The following ANKRD12 variants were observed in gnomAD, a reference collection of about 807,000 sequenced individuals.
ANKRD12 encodes the protein ankyrin repeat domain 12.
ANKRD12 carries 85 observed loss-of-function variants against 183.4 expected under a neutral mutation model. The ratio of observed to expected loss-of-function variants is 0.46; its 90% CI spans 0.39 to 0.56. The LOEUF is 0.56. Ranked by LOEUF, ANKRD12 falls within the 20% of genes least tolerant of loss-of-function variation. The probability of loss-of-function intolerance (pLI) is 0.00; values close to 1 mark genes in which losing one functional copy is unlikely to be tolerated. For synonymous variants in ANKRD12, 914 were observed against 800.2 expected (o/e 1.14, Z -2.40); for missense variants, 2,405 against 2,357.1 (o/e 1.02, Z -0.42).
chr18:9,144,858 A>G (rs150891970), intron 1 of ANKRD12, among the ~76,000 whole-genome samples: 126 of 152,050 alleles, frequency 8.3e-4, no homozygotes, highest in African/African-American at 2.8e-3. Context: ...TTTGCATATC[A>G]TATTAATTAT....
intron 8 of ANKRD12, among the ~76,000 whole-genome samples, chr18:9,252,968 A>G (rs1303401454): frequency 6.6e-6 from 1 of 152,202 alleles, no homozygotes. Flanking sequence ...ACATTTTAGT[A>G]GCTAATGTTT....
Position 9,256,379 on chromosome 18 carries a change from C to A in ANKRD12, c.3112C>A (p.Gln1038Lys). 1 of 1,603,802 alleles carries A rather than the reference C, an allele frequency of 6.2e-7. No individual in the cohort carries two copies. The highest frequency in any genetic ancestry group is 8.5e-7 in the Non-Finnish European group (1 of 1,176,640). Residue 1038 changes from glutamine (Q) to lysine (K), a missense_variant, in exon 9 of 13, where the codon CAA (glutamine) becomes AAA (lysine). By Grantham distance (53) the Gln-to-Lys change is moderately conservative. This residue lies in a region of ANKRD12 where 1,983 missense variants were observed against 1,725.9 expected (regional missense o/e 1.15). Coordinates refer to ENST00000262126, the MANE Select transcript of ANKRD12 (RefSeq NM_015208.5). ...ACGAGACAAACATAAAGATAAAATTCAAATAAATAGCTTACTCAAACTAAA... is the reference window on the plus strand; with the variant it reads ...ACGAGACAAACATAAAGATAAAATTAAAATAAATAGCTTACTCAAACTAAA... ...KERDKHKDKI[Q>K]INSLLKLKSE...
chr18:9,146,741 C>T (rs2078505867), intron 1 of ANKRD12, among the ~76,000 whole-genome samples: 1 of 152,150 alleles, frequency 6.6e-6, no homozygotes, highest in South Asian at 2.1e-4. Flanking sequence ...GTCAGAAGAG[C>T]TACCAGTGAC....
At chr18:9,239,857 A>T (rs1016730367) in intron 8 of ANKRD12, among the ~76,000 whole-genome samples, 2 of 152,200 alleles carry the variant, frequency 1.3e-5, no homozygotes, top group Non-Finnish European at 2.9e-5. Context: ...TGGAGTAACT[A>T]AGAGGGTATC....
chr18:9,259,890 T>C (rs1046566684), intron 9 of ANKRD12: 1 of 152,148 alleles, frequency 6.6e-6, no homozygotes, highest in Admixed American at 6.5e-5. Context: ...CAGGTTGAAA[T>C]AGTATATGCT....
chr18:9,197,879 A>C (rs1258338686), intron 3 of ANKRD12, among the ~76,000 whole-genome samples: 1 of 152,170 alleles, frequency 6.6e-6, no homozygotes, highest in Admixed American at 6.5e-5. Context: ...TTCAAGGTCA[A>C]TTGTATTTAT....
chr18:9,282,465 A>G lies in ANKRD12; in HGVS notation c.*1339A>G, dbSNP rs951232290. 3.3e-5 allele frequency: 5 copies of G among 152,706 alleles called. No individual in the cohort carries two copies. The highest frequency in any genetic ancestry group is 4.1e-4 in the South Asian group (2 of 4,828). The allele number at this position is 152,706 out of a possible 1,614,324, so 9.5% of individuals were successfully genotyped here. ...CTGTTTTATAATAAATTAGCAATAT[A>G]CTTTAAAAAAAATCCAGTTTCTCCT... On this transcript the variant is annotated 3_prime_UTR_variant, in exon 13 of 13. Coordinates refer to ENST00000262126, the MANE Select transcript of ANKRD12 (RefSeq NM_015208.5).
chr18:9,197,076 C>CA (rs1410914025), intron 3 of ANKRD12, among the ~76,000 whole-genome samples: 1 of 151,910 alleles, frequency 6.6e-6, no homozygotes, highest in Non-Finnish European at 1.5e-5. Context: ...TTGATAAATT[C>CA]AAAAAATATT....
intron 1 of ANKRD12, among the ~76,000 whole-genome samples, chr18:9,171,818 G>A (rs954498858): frequency 3.9e-5 from 6 of 152,066 alleles, no homozygotes; most frequent in African/African-American, 1.4e-4. Context: ...TCAGGAGTTC[G>A]AGACCAGCCT....
rs2038645433 is a variant in ANKRD12 at position 9,256,656 on chromosome 18, C to T, written c.3389C>T (p.Pro1130Leu). 1 of 1,607,240 alleles carries T rather than the reference C, an allele frequency of 6.2e-7. No individual in the cohort carries two copies. The highest frequency in any genetic ancestry group is 1.3e-5 in the African/African-American group (1 of 74,216). The change falls in exon 9 of 13, where the codon CCA (proline) becomes CTA (leucine). Residue 1130 changes from proline (P) to leucine (L), a missense_variant. By Grantham distance (98) the Pro-to-Leu change is moderately conservative. This residue lies in a region of ANKRD12 where 1,983 missense variants were observed against 1,725.9 expected (regional missense o/e 1.15). Coordinates refer to ENST00000262126, the MANE Select transcript of ANKRD12 (RefSeq NM_015208.5). Reference protein sequence around the residue: ...IKDKEKTKHTPTESKNKELTR... With the variant: ...IKDKEKTKHTLTESKNKELTR... Reference sequence around the variant, plus strand: ...GATAAAGAAAAAACAAAGCATACACCAACTGAATCCAAAAATAAAGAACTT... The same window carrying T: ...GATAAAGAAAAAACAAAGCATACACTAACTGAATCCAAAAATAAAGAACTT...
At position 9,257,002 on chromosome 18, in the gene ANKRD12, C is replaced by A. The variant is rs1567978511; in HGVS notation, c.3735C>A (p.Ser1245=). 1 of 1,614,058 alleles carries A rather than the reference C, an allele frequency of 6.2e-7. No homozygotes were observed. The highest frequency in any genetic ancestry group is 8.5e-7 in the Non-Finnish European group (1 of 1,179,976). Residue 1245 remains serine (S), a synonymous_variant, in exon 9 of 13, where the codon TCC becomes TCA. Coordinates refer to ENST00000262126, the MANE Select transcript of ANKRD12 (RefSeq NM_015208.5). ...GTTCAGAATCCCAAATGTCCTTTTC[C>A]CAGTCACCTTTTTTGTCAATTGCCA... ...LESSESQMSF[S]QSPFLSIAKS...
Position 9,285,182 on chromosome 18 carries a change from C to T in ANKRD12, c.*4056C>T, listed in dbSNP as rs2040195293. The stretch of plus-strand genomic sequence containing the variant: ...CGAGATCGTGCCACTGCACTCCAGC[C>T]TGGGCGACAGAGCGAGACTCCGTCT... On this transcript the variant is annotated 3_prime_UTR_variant, in exon 13 of 13. Transcript: ENST00000262126. The T allele has an allele frequency of 1.3e-5, 2 of 149,920 alleles. No individual in the cohort carries two copies. Among genetic ancestry groups the T allele is most frequent in the South Asian group, 4.2e-4 (2 of 4,772 alleles). The allele number at this position is 149,920 out of a possible 1,614,324, so 9.3% of individuals were successfully genotyped here.
chr18:9,248,340 T>C (rs570746804), intron 8 of ANKRD12, among the ~76,000 whole-genome samples: 5 of 152,380 alleles, frequency 3.3e-5, no homozygotes, highest in African/African-American at 9.6e-5. Flanking sequence ...TGTACAATTA[T>C]TAAAATCATT....
At chr18:9,181,730 G>A (rs755499365) in intron 1 of ANKRD12, among the ~76,000 whole-genome samples, 11 of 152,062 alleles carry the variant, frequency 7.2e-5, no homozygotes, top group African/African-American at 1.9e-4. Flanking sequence ...TTTCTGGATC[G>A]TTCAGGCATA....
intron 10 of ANKRD12, among the ~76,000 whole-genome samples, chr18:9,272,175 A>C (rs1220650817): frequency 2.0e-5 from 3 of 152,248 alleles, no homozygotes; most frequent in African/African-American, 7.2e-5. Flanking sequence ...AAGAATGCTG[A>C]TCGAAAGTGT....
chr18:9,165,648 T>C (rs925964386), intron 1 of ANKRD12, among the ~76,000 whole-genome samples: 6 of 152,198 alleles, frequency 3.9e-5, no homozygotes, highest in African/African-American at 1.2e-4. Context: ...GCATAATGTC[T>C]TCAGTGTTCT....
Position 9,279,398 on chromosome 18 carries a change from T to G in ANKRD12, c.5908-151T>G, listed in dbSNP as rs535265982. Reference sequence around the variant, plus strand: ...TCTACACAATGTGGAAATAAAAGTTTTACCAACTTCAGCAGTATTCAATTT... The same window carrying G: ...TCTACACAATGTGGAAATAAAAGTTGTACCAACTTCAGCAGTATTCAATTT... On this transcript the variant is annotated intron_variant, in intron 11 of 12. Transcript: ENST00000262126. 2.5e-4 allele frequency: 135 copies of G among 532,948 alleles called. No individual in the cohort carries two copies. The African/African-American group carries it at 2.6e-3, about 10-fold the overall frequency. 33.0% of individuals were successfully genotyped at this position (532,948 alleles called of 1,614,324 possible). A position where few individuals can be genotyped will look rare whatever the true frequency, so the allele number is the denominator to read the frequency against.
At chr18:9,213,589 TTTAG>T (rs1301591693) in intron 6 of ANKRD12, among the ~76,000 whole-genome samples, 1 of 151,954 alleles carries the variant, frequency 6.6e-6, no homozygotes, top group East Asian at 1.9e-4. Flanking sequence ...TTATTTTCAC[TTTAG>T]TAAGTAGAGG....
At chr18:9,167,112 T>G (rs2032157980) in intron 1 of ANKRD12, among the ~76,000 whole-genome samples, 1 of 152,222 alleles carries the variant, frequency 6.6e-6, no homozygotes, top group Admixed American at 6.5e-5. Flanking sequence ...CTGTTTTGGT[T>G]ACTGTAGCCT....
Sources: allele counts gnomAD v4.1 joint callset (sites outside exome capture counted in the v4.1 genomes callset), GRCh38; gene constraint gnomAD v4.1.1; regional missense constraint gnomAD v4.1.1; transcripts MANE v1.5; gene names NCBI Gene and HGNC (gene_info 2026-07-23, HGNC 2026-07-21).